WASF2: variants seen among roughly 807,000 people sequenced by gnomAD.
The protein encoded by WASF2 is actin-binding protein WASF2.
A neutral mutation model predicts 45.0 loss-of-function variants in WASF2; 14 were observed. That is an observed-to-expected ratio of 0.31 (90% CI 0.21 to 0.49). WASF2 has a LOEUF of 0.49. Ranked by LOEUF, WASF2 falls within the 20% of genes least tolerant of loss-of-function variation. WASF2 has a pLI of 0.99. For missense variants in WASF2, 439 were observed against 636.1 expected, an observed-to-expected ratio of 0.69 and a Z score of 3.33; for synonymous variants, 200 against 236.3, an observed-to-expected ratio of 0.85 and a Z score of 1.41.
At chr1:27,452,464 G>A (rs1180530804) in intron 1 of WASF2, among the ~76,000 whole-genome samples, 1 of 152,190 alleles carries the variant, frequency 6.6e-6, no homozygotes, top group Non-Finnish European at 1.5e-5. Flanking sequence ...AGTGAGCTGA[G>A]ATCGTGCCAC....
chr1:27,414,265 C>A lies in WASF2; in HGVS notation c.668+568G>T, dbSNP rs1320227751. Reference sequence around the variant, plus strand: ...TTTGGTATTGGGAAATGGGGTCAGACTGACACCTCTTATTTCTCCACAGAG... The same window carrying A: ...TTTGGTATTGGGAAATGGGGTCAGAATGACACCTCTTATTTCTCCACAGAG... On this transcript the variant is annotated intron_variant, in intron 6 of 8. Transcript: ENST00000618852. The surrounding 1 kb of genome is among the most constrained non-coding windows in gnomAD (Gnocchi z 4.1). Among the ~76,000 whole-genome samples, 2 of 152,214 alleles carry A rather than the reference C, an allele frequency of 1.3e-5. No individual in the cohort carries two copies. Among genetic ancestry groups the A allele is most frequent in the African/African-American group, 4.8e-5 (2 of 41,452 alleles).
At chr1:27,461,838 T>G (rs2017549983) in intron 1 of WASF2, among the ~76,000 whole-genome samples, 1 of 151,924 alleles carries the variant, frequency 6.6e-6, no homozygotes, top group African/African-American at 2.4e-5. Context: ...ATTTTTTGTA[T>G]TTTTGGTAGA....
At chr1:27,439,890 C>T (rs934985396) in intron 1 of WASF2, among the ~76,000 whole-genome samples, 1 of 152,008 alleles carries the variant, frequency 6.6e-6, no homozygotes, top group Non-Finnish European at 1.5e-5. Context: ...GTCCCATCTA[C>T]TTGAGAAGCT....
At chr1:27,486,717 A>G (rs974452092) in intron 1 of WASF2, among the ~76,000 whole-genome samples, 2 of 152,032 alleles carry the variant, frequency 1.3e-5, no homozygotes, top group African/African-American at 4.8e-5. Context: ...CGAGGTCAGG[A>G]GTTTGAGACC....
At chr1:27,409,428 CAAAAAAAAAAA>C (rs60940665) in intron 8 of WASF2, among the ~76,000 whole-genome samples, 3,863 of 43,838 alleles carry the variant, frequency 0.088, 359 homozygotes, top group East Asian at 0.49. Flanking sequence ...CTGTCCCCCA[CAAAAAAAAAAA>C]AAAAAAAAAA....
At chr1:27,434,179 T>C (rs1369197977) in intron 1 of WASF2, among the ~76,000 whole-genome samples, 1 of 152,162 alleles carries the variant, frequency 6.6e-6, no homozygotes, top group South Asian at 2.1e-4. Context: ...TTAGATAAGG[T>C]TATGAGTTCT....
At chr1:27,460,679 G>A (rs969688315) in intron 1 of WASF2, among the ~76,000 whole-genome samples, 6 of 152,220 alleles carry the variant, frequency 3.9e-5, no homozygotes, top group South Asian at 2.1e-4. Flanking sequence ...CATGTTCAGC[G>A]TCCAATCATA....
At chr1:27,447,065 C>A (rs1412369845) in intron 1 of WASF2, among the ~76,000 whole-genome samples, 1 of 152,080 alleles carries the variant, frequency 6.6e-6, no homozygotes, top group Non-Finnish European at 1.5e-5. Flanking sequence ...AGTATATACA[C>A]TGAAGAATGT....
At chr1:27,412,968 A>G (rs1198880663) in intron 6 of WASF2, among the ~76,000 whole-genome samples, 1 of 152,252 alleles carries the variant, frequency 6.6e-6, no homozygotes, top group Non-Finnish European at 1.5e-5. Flanking sequence ...AACCCAGATT[A>G]TCAAAACCAT....
rs767571091 is a variant in WASF2 at position 27,415,988 on chromosome 1, A to G, written c.534T>C (p.His178=). 9 of 1,613,104 alleles carry G rather than the reference A, an allele frequency of 5.6e-6. No individual in the cohort carries two copies. Among genetic ancestry groups the G allele is most frequent in the African/African-American group, 2.7e-5 (2 of 74,842 alleles). The change falls in exon 5 of 9, where the codon CAT becomes CAC. Residue 178 remains histidine (H), a synonymous_variant. Transcript: ENST00000618852. ...TKDIMKEKRK[H]RKEKKDNPNR... ...ACAGAGGCCCCTTTCCCCTCACCCT[A>G]TGCTTTCTCTTCTCTTTCATGATAT...
intron 1 of WASF2, among the ~76,000 whole-genome samples, chr1:27,463,548 G>A (rs967231801): frequency 2.7e-5 from 4 of 150,496 alleles, no homozygotes; most frequent in Non-Finnish European, 5.9e-5. Flanking sequence ...GAGTTAGCCC[G>A]GGAGGTGGAG....
chr1:27,449,704 C>G (rs75520443), intron 1 of WASF2, among the ~76,000 whole-genome samples: 2,580 of 152,222 alleles, frequency 0.017, 71 homozygotes, highest in African/African-American at 0.058. Flanking sequence ...GAACTCCAGT[C>G]TTATAGCACT....
chr1:27,425,132 G>A (rs1015476077), intron 2 of WASF2, among the ~76,000 whole-genome samples: 1 of 151,964 alleles, frequency 6.6e-6, no homozygotes, highest in African/African-American at 2.4e-5. Context: ...TCGCCCTGTT[G>A]GCCAGTGCTG....
In WASF2 at chr1:27,410,943, C is replaced by G. The variant is rs1242692355; in HGVS notation, c.825-737G>C. 6.6e-6 allele frequency among the ~76,000 whole-genome samples: 1 copy of G among 152,218 alleles called. No individual in the cohort carries two copies. The highest frequency in any genetic ancestry group is 2.4e-5 in the African/African-American group (1 of 41,448). On this transcript the variant is annotated intron_variant, in intron 7 of 8. Coordinates refer to ENST00000618852, the MANE Select transcript of WASF2 (RefSeq NM_006990.5). The surrounding 1 kb of genome is among the most constrained non-coding windows in gnomAD (Gnocchi z 4.2). ...GCAAGGTCTCAGGCCATGTGTGAAG[C>G]TGAAGGTTTTCTTTTTCCACCTTTG...
chr1:27,456,919 T>G (rs758167452), intron 1 of WASF2, among the ~76,000 whole-genome samples: 2 of 151,994 alleles, frequency 1.3e-5, no homozygotes, highest in Non-Finnish European at 2.9e-5. Flanking sequence ...TTTTTGTATT[T>G]TTAGTAGAGA....
chr1:27,479,501 G>A (rs1302552089), intron 1 of WASF2, among the ~76,000 whole-genome samples: 2 of 152,082 alleles, frequency 1.3e-5, no homozygotes, highest in Non-Finnish European at 2.9e-5. Context: ...AATTTCAAAT[G>A]TTCCATTATT....
At position 27,410,097 on chromosome 1, in the gene WASF2, G is replaced by A. The variant is rs2016742148; in HGVS notation, c.934C>T (p.Pro312Ser). 1.2e-6 allele frequency: 2 copies of A among 1,613,596 alleles called. No homozygotes were observed. The highest frequency in any genetic ancestry group is 1.7e-6 in the Non-Finnish European group (2 of 1,179,660). ...PAPPLGSPPG[P>S]KPGFAPPPAP... is the part of the protein sequence containing the mutation. ...GGTGGTGGAGCAAACCCGGGTTTAG[G>A]GCCTGGTGGAGAGCCTAGAGGAGGA... Residue 312 changes from proline to serine, a missense_variant, in exon 8 of 9, where the codon CCT (proline) becomes TCT (serine). Pro to Ser is a moderately conservative substitution (Grantham distance 74). This residue lies in a region of WASF2 where 286 missense variants were observed against 373.5 expected (regional missense o/e 0.77). Transcript: ENST00000618852. The surrounding 1 kb of genome is among the most constrained non-coding windows in gnomAD (Gnocchi z 4.2).
intron 1 of WASF2, among the ~76,000 whole-genome samples, chr1:27,457,618 G>T (rs1388352871): frequency 1.3e-5 from 2 of 151,304 alleles, no homozygotes; most frequent in Admixed American, 1.3e-4. Flanking sequence ...ACAATATTGT[G>T]ACCTTTTTTT....
chr1:27,429,629 T>C (rs2017033991), intron 1 of WASF2, among the ~76,000 whole-genome samples: 1 of 151,772 alleles, frequency 6.6e-6, no homozygotes, highest in Non-Finnish European at 1.5e-5. Flanking sequence ...TACAAAAAAT[T>C]GGCCAGGCGT....
Sources: gnomAD v4.1 joint callset for allele counts (sites outside exome capture counted in the v4.1 genomes callset) on GRCh38, gnomAD v4.1.1 for gene constraint, gnomAD v4.1.1 regional missense constraint, Gnocchi (gnomAD v3.1) non-coding constraint, MANE v1.5 for transcripts, NCBI Gene and HGNC (gene_info 2026-07-23, HGNC 2026-07-21) for gene names.